PRKDC: variants seen among roughly 807,000 people sequenced by gnomAD.
PRKDC encodes the protein protein kinase, DNA-activated, catalytic subunit.
In PRKDC, 82 loss-of-function variants were observed where a neutral mutation model predicts 486.9. That is an observed-to-expected ratio of 0.17 (90% CI 0.14 to 0.20). The LOEUF is 0.20. PRKDC is among the 10% of genes least tolerant of loss of function. The pLI is 1.00. For missense variants in PRKDC, 4,504 were observed against 5,038.2 expected (o/e 0.89, Z 3.21); for synonymous variants, 1,895 against 1,837.0 (o/e 1.03, Z -0.81).
Position 47,881,954 on chromosome 8 carries a change from T to C in PRKDC, c.4920A>G (p.Glu1640=), listed in dbSNP as rs757178742. The C allele has an allele frequency of 1.2e-6, 2 of 1,613,672 alleles. No individual in the cohort carries two copies. Among genetic ancestry groups the C allele is most frequent in the Admixed American group, 3.3e-5 (2 of 59,968 alleles). The change falls in exon 37 of 86, where the codon GAA becomes GAG. Residue 1640 remains glutamate (E), a synonymous_variant. Coordinates refer to ENST00000314191, the MANE Select transcript of PRKDC (RefSeq NM_006904.7). ...DSWWAKDSPL[E]TKMAVLALLA... ...GTAAGGCCAGCACTGCCATTTTAGT[T>C]TCGAGAGGGGAATCTTTGGCCCACC...
At chr8:47,906,574 A>T (rs1318576304) in intron 25 of PRKDC, among the ~76,000 whole-genome samples, 1 of 150,976 alleles carries the variant, frequency 6.6e-6, no homozygotes, top group Admixed American at 6.9e-5. Context: ...TGGAGGTTGC[A>T]GTGAGCCGAG....
At chr8:47,803,078 C>T (rs1333208859) in intron 70 of PRKDC, among the ~76,000 whole-genome samples, 4 of 152,204 alleles carry the variant, frequency 2.6e-5, no homozygotes, top group East Asian at 1.9e-4. Flanking sequence ...TGAGCCACTG[C>T]GCCCAGGCTG....
intron 48 of PRKDC, among the ~76,000 whole-genome samples, chr8:47,857,704 C>G (rs1019365784): frequency 2.0e-5 from 3 of 152,144 alleles, no homozygotes; most frequent in Non-Finnish European, 4.4e-5. Context: ...ACCCTGAGAC[C>G]ATGTGCCCAG....
intron 73 of PRKDC, among the ~76,000 whole-genome samples, chr8:47,795,980 C>T (rs908968089): frequency 1.3e-4 from 19 of 151,460 alleles, no homozygotes; most frequent in East Asian, 7.9e-4. Flanking sequence ...CTGCAACCTC[C>T]GCCTCCTGGG....
At chr8:47,858,702 G>C in intron 47 of PRKDC, 67 bp from the exon 48 acceptor site, 2 of 1,433,930 alleles carry the variant, frequency 1.4e-6, no homozygotes, top group South Asian at 1.5e-5. Flanking sequence ...TGATATTATG[G>C]GAAAACAAGG....
chr8:47,951,783 T>A (rs1488539937), intron 7 of PRKDC, among the ~76,000 whole-genome samples: 1 of 151,842 alleles, frequency 6.6e-6, no homozygotes, highest in Non-Finnish European at 1.5e-5. Flanking sequence ...AACAAACCAA[T>A]TAACCTAAAA....
chr8:47,864,024 T>C (rs780151962), intron 41 of PRKDC, among the ~76,000 whole-genome samples: 28 of 152,306 alleles, frequency 1.8e-4, no homozygotes, highest in Admixed American at 4.6e-4. Flanking sequence ...CCCTGAAACC[T>C]ACCTCCTCAT....
chr8:47,829,170 T>G (rs533045354), intron 61 of PRKDC, among the ~76,000 whole-genome samples: 1 of 152,260 alleles, frequency 6.6e-6, no homozygotes. Flanking sequence ...TCTGTTAATA[T>G]CTTTTTGTTA....
Position 47,888,556 on chromosome 8 carries a change from G to A in PRKDC, c.4375C>T (p.His1459Tyr), listed in dbSNP as rs199524714. The change falls in exon 34 of 86, where the codon CAC becomes TAC. Residue 1459 changes from histidine (H) to tyrosine (Y), a missense_variant. Transcript: ENST00000314191. ...ATATTATGCAGAAGCCCAGCTCTGT[G>A]AAGCTGTTTACAGGCAGACACAACA... Reference protein sequence around the residue: ...AAVVSACKQLHRAGLLHNILP... With the variant: ...AAVVSACKQLYRAGLLHNILP... 5.7e-4 allele frequency: 908 copies of A among 1,581,572 alleles called. No homozygotes were observed. The highest frequency in any genetic ancestry group is 7.2e-4 in the Non-Finnish European group (842 of 1,163,056).
At chr8:47,927,721 G>T in intron 20 of PRKDC, 50 bp downstream of exon 20, 1 of 1,449,216 alleles carries the variant, frequency 6.9e-7, no homozygotes, top group South Asian at 1.6e-5. Flanking sequence ...TATGTGCTCT[G>T]GGACTCACAA....
In PRKDC at chr8:47,885,936, T is replaced by C; in HGVS notation, c.4776+8A>G. ...AAAAACAGTTTATTTAAAGGGAAAC[T>C]TTGTTACCATTTTGGTATTATCCAC... On this transcript the variant is annotated splice_region_variant and intron_variant, in intron 36 of 85. Coordinates refer to ENST00000314191, the MANE Select transcript of PRKDC (RefSeq NM_006904.7). 6.2e-7 allele frequency: 1 copy of C among 1,608,364 alleles called. No individual in the cohort carries two copies. Among genetic ancestry groups the C allele is most frequent in the Non-Finnish European group, 8.5e-7 (1 of 1,175,324 alleles).
chr8:47,807,193 T>A lies in PRKDC; in HGVS notation c.9691A>T (p.Ile3231Phe), dbSNP rs2087230673. ...TTCATGGAAAACTTGCAACTCCTGA[T>A]CAGGGAGCTGATATCTTCTTCCTGC... Reference protein sequence around the residue: ...QEQEEDISSLIRSCKFSMKMK... With the variant: ...QEQEEDISSLFRSCKFSMKMK... The change falls in exon 69 of 86, where the codon ATC (isoleucine) becomes TTC (phenylalanine). Residue 3231 changes from isoleucine (I) to phenylalanine (F), a missense_variant. By Grantham distance (21) the Ile-to-Phe change is conservative (BLOSUM62 0). This residue lies in a region of PRKDC where 1,592 missense variants were observed against 1,724.6 expected (regional missense o/e 0.92). Coordinates refer to ENST00000314191, the MANE Select transcript of PRKDC (RefSeq NM_006904.7). 4 of 1,613,954 alleles carry A rather than the reference T, an allele frequency of 2.5e-6. No individual in the cohort carries two copies. Among genetic ancestry groups the A allele is most frequent in the Non-Finnish European group, 3.4e-6 (4 of 1,179,864 alleles).
chr8:47,936,523 GA>G lies in PRKDC; in HGVS notation c.1114-7del. 1 of 1,613,646 alleles carries G rather than the reference GA, an allele frequency of 6.2e-7. No individual in the cohort carries two copies. The highest frequency in any genetic ancestry group is 8.5e-7 in the Non-Finnish European group (1 of 1,179,702). ...GCGTTTATAACCTTGCACGGCTTTA[GA>G]AAAGGTAAAACAGAAGTCTTCATCA... On this transcript the variant is annotated splice_polypyrimidine_tract_variant and splice_region_variant and intron_variant, in intron 11 of 85. Transcript: ENST00000314191.
chr8:47,863,093 T>C (rs893351200), intron 42 of PRKDC, among the ~76,000 whole-genome samples: 9 of 152,212 alleles, frequency 5.9e-5, no homozygotes, highest in African/African-American at 2.2e-4. Context: ...TCTAAATCTT[T>C]TGTTACTGAA....
rs747675302 is a variant in PRKDC at position 47,957,189 on chromosome 8, A to T, written c.306T>A (p.Pro102=). The change falls in exon 3 of 86, where the codon CCT becomes CCA. Residue 102 remains proline, a synonymous_variant. Transcript: ENST00000314191. ...TTCTTACCTTAATTTCAACAGAGTAAGGTGCGATCTTCTGGCCCATTTTTT... is the reference window on the plus strand; with the variant it reads ...TTCTTACCTTAATTTCAACAGAGTATGGTGCGATCTTCTGGCCCATTTTTT... ...FLEKMGQKIA[P]YSVEIKNTCT... The T allele has an allele frequency of 6.3e-7, 1 of 1,585,228 alleles. No homozygotes were observed. The highest frequency in any genetic ancestry group is 8.6e-7 in the Non-Finnish European group (1 of 1,156,254).
intron 74 of PRKDC, among the ~76,000 whole-genome samples, chr8:47,793,990 A>G (rs944162175): frequency 2.6e-5 from 4 of 152,230 alleles, no homozygotes; most frequent in Non-Finnish European, 4.4e-5. Flanking sequence ...ATTTTAAATT[A>G]CAGGACAATT....
At chr8:47,860,541 T>C (rs993683073) in intron 45 of PRKDC, among the ~76,000 whole-genome samples, 10 of 152,302 alleles carry the variant, frequency 6.6e-5, no homozygotes, top group African/African-American at 2.2e-4. Context: ...TCGAAAGGAC[T>C]TGTATTCTAA....
chr8:47,943,131 A>C, intron 10 of PRKDC, 78 bp downstream of exon 10: 1 of 1,459,586 alleles, frequency 6.9e-7, no homozygotes, highest in Non-Finnish European at 9.3e-7. Flanking sequence ...ATTTATTTTC[A>C]AACATGCATG....
intron 27 of PRKDC, among the ~76,000 whole-genome samples, chr8:47,901,153 GA>G (rs2089674881): frequency 1.8e-5 from 2 of 114,218 alleles, no homozygotes; most frequent in Admixed American, 1.9e-4. Flanking sequence ...TGTCTCAGAC[GA>G]AAAAAAGGGC....
Sources: gnomAD v4.1 joint callset for allele counts (sites outside exome capture counted in the v4.1 genomes callset) on GRCh38, gnomAD v4.1.1 for gene constraint, gnomAD v4.1.1 regional missense constraint, MANE v1.5 for transcripts, NCBI Gene and HGNC (gene_info 2026-07-23, HGNC 2026-07-21) for gene names.